The following SBNO2 variants were observed in gnomAD, a reference collection of about 807,000 sequenced individuals.
SBNO2 encodes strawberry notch homolog 2.
Under a neutral mutation model 146.3 loss-of-function variants are expected in SBNO2, and 89 were observed. The observed-to-expected ratio is 0.61, with a 90% CI of 0.51 to 0.73. The LOEUF (loss-of-function observed/expected upper bound fraction) is 0.73. Among genes scored for constraint, SBNO2 ranks in the 30% least tolerant of loss-of-function variants. The pLI is 0.00. For synonymous variants in SBNO2, 1,147 were observed against 892.6 expected (o/e 1.29, Z -5.08); for missense variants, 2,092 against 2,003.7 (o/e 1.04, Z -0.84).
At position 1,124,026 on chromosome 19, in the gene SBNO2, G is replaced by A. The variant is rs1371842105; in HGVS notation, c.442-4C>T. On this transcript the variant is annotated splice_polypyrimidine_tract_variant and splice_region_variant and intron_variant, in intron 5 of 31. Transcript: ENST00000361757. ...ACGGCCTGCTGAGCTGGAACAGCTG[G>A]AAGGGGAGCAGGATGTCAGCCCGGG... 2 of 1,610,278 alleles carry A rather than the reference G, an allele frequency of 1.2e-6. No homozygotes were observed.
chr19:1,170,900 C>G (rs2080471123), intron 1 of SBNO2, among the ~76,000 whole-genome samples: 1 of 146,734 alleles, frequency 6.8e-6, no homozygotes, highest in Non-Finnish European at 1.5e-5. Flanking sequence ...GCAACACACG[C>G]AAGCATGGGC....
intron 13 of SBNO2, 90 bp from the exon 14 acceptor site, chr19:1,119,254 G>A (rs1846136467): frequency 6.9e-7 from 1 of 1,456,600 alleles, no homozygotes; most frequent in Non-Finnish European, 9.2e-7. Flanking sequence ...CGCAGAGAGG[G>A]CGGGGTCGGC....
rs182875856 is a variant in SBNO2, at chr19:1,143,945, G to A, written c.279+3364C>T. On this transcript the variant is annotated intron_variant, in intron 4 of 31. Transcript: ENST00000361757. ...AGGTCCTGGGGATCAGGACGGGGACGTCTTGGAGGCTGTAACCGTGTGGCC... is the reference window on the plus strand; with the variant it reads ...AGGTCCTGGGGATCAGGACGGGGACATCTTGGAGGCTGTAACCGTGTGGCC... Among the ~76,000 whole-genome samples the A allele has an allele frequency of 8.1e-4, 124 of 152,344 alleles. No individual in the cohort carries two copies. In the East Asian group the frequency reaches 0.017, roughly 21 times the overall value.
At chr19:1,170,753 G>A (rs545086522) in intron 1 of SBNO2, among the ~76,000 whole-genome samples, 3 of 151,862 alleles carry the variant, frequency 2.0e-5, no homozygotes, top group South Asian at 2.1e-4. Context: ...CAACGGACAC[G>A]TGCATAACGG....
Position 1,140,950 on chromosome 19 carries a change from G to T in SBNO2, c.279+6359C>A, listed in dbSNP as rs1402295009. On this transcript the variant is annotated intron_variant, in intron 4 of 31. Transcript: ENST00000361757. This position sits in a 1 kb window ranked among gnomAD's most constrained non-coding sequence, Gnocchi z 4.4. Reference sequence around the variant, plus strand: ...GCCGTCTGAGGGATTCCTCCATCCAGTCAGGAGACAACCCCAGACAAAACC... The same window carrying T: ...GCCGTCTGAGGGATTCCTCCATCCATTCAGGAGACAACCCCAGACAAAACC... Among the ~76,000 whole-genome samples, 1 of 152,186 alleles carries T rather than the reference G, an allele frequency of 6.6e-6. No homozygotes were observed. Among genetic ancestry groups the T allele is most frequent in the Non-Finnish European group, 1.5e-5 (1 of 68,038 alleles).
intron 4 of SBNO2, among the ~76,000 whole-genome samples, chr19:1,133,752 C>G (rs948822639): frequency 6.6e-6 from 1 of 151,952 alleles, no homozygotes; most frequent in Non-Finnish European, 1.5e-5. Flanking sequence ...AGCCACCGCT[C>G]AACCCAGTAG....
intron 4 of SBNO2, among the ~76,000 whole-genome samples, chr19:1,138,777 G>A (rs371284599): frequency 5.7e-5 from 8 of 139,394 alleles, no homozygotes; most frequent in Admixed American, 5.0e-4. Flanking sequence ...CCTCCATCAC[G>A]GACAGACACA....
intron 1 of SBNO2, among the ~76,000 whole-genome samples, chr19:1,165,619 G>C (rs1001351775): frequency 2.0e-5 from 3 of 151,352 alleles, no homozygotes; most frequent in Non-Finnish European, 2.9e-5. Context: ...CCAGATCCCA[G>C]ATCTCAGACC....
intron 7 of SBNO2, 117 bp from the exon 8 acceptor site, chr19:1,123,162 G>C: frequency 8.4e-7 from 1 of 1,191,398 alleles, no homozygotes; most frequent in Non-Finnish European, 1.2e-6. Context: ...CAGTTTGGGG[G>C]CGTGGCCAGG....
rs78829669 is a variant in SBNO2, at chr19:1,116,682, T to C, written c.1802+147A>G. The stretch of plus-strand genomic sequence containing the variant: ...GACCTGGAGCAGCGGTGAAGGCCTC[T>C]GTGGCTGAGGCTGGGGGCCCAGCAA... On this transcript the variant is annotated intron_variant, in intron 16 of 31. Transcript: ENST00000361757. 100 of 640,796 alleles carry C rather than the reference T, an allele frequency of 1.6e-4. No individual in the cohort carries two copies. In the East Asian group the frequency reaches 1.8e-3, roughly 11 times the overall value. 39.7% of individuals were successfully genotyped at this position (640,796 alleles called of 1,614,324 possible).
At position 1,158,765 on chromosome 19, in the gene SBNO2, T is replaced by C. The variant is rs2080315936; in HGVS notation, c.-126-4363A>G. Among the ~76,000 whole-genome samples, 1 of 152,116 alleles carries C rather than the reference T, an allele frequency of 6.6e-6. No individual in the cohort carries two copies. On this transcript the variant is annotated intron_variant, in intron 1 of 31. Coordinates refer to ENST00000361757, the MANE Select transcript of SBNO2 (RefSeq NM_014963.3). This position sits in a 1 kb window ranked among gnomAD's most constrained non-coding sequence, Gnocchi z 9.9. Reference sequence around the variant, plus strand: ...CTCCCTGCGTCCCAGGACCTGAAGATGGCAAGGAGCAGGCCCCCGGGTGTC... The same window carrying C: ...CTCCCTGCGTCCCAGGACCTGAAGACGGCAAGGAGCAGGCCCCCGGGTGTC...
chr19:1,113,182 G>A (rs1275217728), intron 19 of SBNO2, among the ~76,000 whole-genome samples: 2 of 152,202 alleles, frequency 1.3e-5, no homozygotes, highest in Admixed American at 6.5e-5. Context: ...AGTGAAGCTG[G>A]GCGGGGGCAG....
intron 18 of SBNO2, among the ~76,000 whole-genome samples, chr19:1,113,997 T>C (rs1264407971): frequency 6.6e-6 from 1 of 152,198 alleles, no homozygotes; most frequent in Non-Finnish European, 1.5e-5. Context: ...CTCTGACCAG[T>C]GGTATAACCC....
At chr19:1,159,930 C>T (rs1039194495) in intron 1 of SBNO2, among the ~76,000 whole-genome samples, 2 of 152,084 alleles carry the variant, frequency 1.3e-5, no homozygotes, top group East Asian at 3.9e-4. Flanking sequence ...AGGAGGGGGC[C>T]AGGGAAGGGA....
At chr19:1,160,122 G>A (rs1451291022) in intron 1 of SBNO2, among the ~76,000 whole-genome samples, 2 of 152,204 alleles carry the variant, frequency 1.3e-5, no homozygotes, top group Non-Finnish European at 2.9e-5. Context: ...GTGCTGGTGG[G>A]CAGCTTGCGC....
rs1218672843 is a variant in SBNO2, at chr19:1,158,559, T to C, written c.-126-4157A>G. On this transcript the variant is annotated intron_variant, in intron 1 of 31. Transcript: ENST00000361757. This position sits in a 1 kb window ranked among gnomAD's most constrained non-coding sequence, Gnocchi z 9.9. ...CGCCCAGGCCCGGGTTCTGGTCTCC[T>C]GGCACACCCGGCAGCATCTCAAGGC... is the stretch of plus-strand genomic sequence containing the variant. 2.0e-5 allele frequency among the ~76,000 whole-genome samples: 3 copies of C among 152,136 alleles called. No homozygotes were observed. The highest frequency in any genetic ancestry group is 4.4e-5 in the Non-Finnish European group (3 of 68,010).
chr19:1,169,234 G>A (rs2080455001), intron 1 of SBNO2: 1 of 152,290 alleles, frequency 6.6e-6, no homozygotes, highest in African/African-American at 2.4e-5. Context: ...ACTCGGCAAT[G>A]ACTCTCTGGG....
At chr19:1,116,288 C>G (rs891985286) in intron 16 of SBNO2, among the ~76,000 whole-genome samples, 185 bp from the exon 17 acceptor site, 1 of 151,938 alleles carries the variant, frequency 6.6e-6, no homozygotes, top group African/African-American at 2.4e-5. Flanking sequence ...TCTCCTCTGG[C>G]CTCCTGGTGT....
At position 1,157,166 on chromosome 19, in the gene SBNO2, A is replaced by G. The variant is rs1162570502; in HGVS notation, c.-126-2764T>C. ...GGCTGGCTCCCACCCCATGGTCCTGAGCCCTCCGGACCCTTCCCCCATTGA... is the reference window on the plus strand; with the variant it reads ...GGCTGGCTCCCACCCCATGGTCCTGGGCCCTCCGGACCCTTCCCCCATTGA... On this transcript the variant is annotated intron_variant, in intron 1 of 31. Coordinates refer to ENST00000361757, the MANE Select transcript of SBNO2 (RefSeq NM_014963.3). This position sits in a 1 kb window ranked among gnomAD's most constrained non-coding sequence, Gnocchi z 6.8. Among the ~76,000 whole-genome samples, 1 of 151,764 alleles carries G rather than the reference A, an allele frequency of 6.6e-6. No individual in the cohort carries two copies. The highest frequency in any genetic ancestry group is 1.9e-4 in the East Asian group (1 of 5,134).
Sources: gnomAD v4.1 joint callset for allele counts (sites outside exome capture counted in the v4.1 genomes callset) on GRCh38, gnomAD v4.1.1 for gene constraint, Gnocchi (gnomAD v3.1) non-coding constraint, MANE v1.5 for transcripts, NCBI Gene and HGNC (gene_info 2026-07-23, HGNC 2026-07-21) for gene names.